Variants in DGKB observed in about 807,000 individuals in gnomAD.
DGKB encodes the protein 90 kDa diacylglycerol kinase.
A neutral mutation model predicts 114.3 loss-of-function variants in DGKB; 67 were observed. That is an observed-to-expected ratio of 0.59 (90% confidence interval 0.48 to 0.72). The LOEUF (loss-of-function observed/expected upper bound fraction) is 0.72, where lower values mean the gene tolerates loss of function less well. DGKB is among the 30% of genes least tolerant of loss of function. DGKB has a pLI of 0.00. For synonymous variants in DGKB, 398 were observed against 323.1 expected, an observed-to-expected ratio of 1.23 and a Z score of -2.49; for missense variants, 907 against 975.2, an observed-to-expected ratio of 0.93 and a Z score of 0.93.
intron 2 of DGKB, among the ~76,000 whole-genome samples, chr7:14,769,340 T>G (rs866570477): frequency 2.6e-5 from 4 of 152,066 alleles, no homozygotes; most frequent in Admixed American, 2.6e-4. Flanking sequence ...AGATTTATAG[T>G]CCATGCAACA....
chr7:14,527,763 AC>A (rs1790878284), intron 20 of DGKB, among the ~76,000 whole-genome samples: 1 of 152,272 alleles, frequency 6.6e-6, no homozygotes, highest in South Asian at 2.1e-4. Context: ...GAATGAAATT[AC>A]ATATTTTAGT....
rs73679732 is a variant in DGKB, at chr7:14,408,688, G to T, written c.1836-63297C>A. Among the ~76,000 whole-genome samples the T allele has an allele frequency of 6.7e-3, 1,014 of 152,028 alleles. 5 individuals are homozygous for T. Among genetic ancestry groups the T allele is most frequent in the Middle Eastern group, 0.017 (5 of 294 alleles). The stretch of plus-strand genomic sequence containing the variant: ...ATTTCATATTTTTGGTTCTTTACTT[G>T]ATAATGAATCCAAGCTTTAAAAACA... On this transcript the variant is annotated intron_variant, in intron 21 of 25. Transcript: ENST00000402815.
At chr7:14,435,072 G>GCTCA (rs1282083656) in intron 21 of DGKB, among the ~76,000 whole-genome samples, 2 of 151,982 alleles carry the variant, frequency 1.3e-5, no homozygotes, top group Non-Finnish European at 2.9e-5. Flanking sequence ...TTTGCCTACT[G>GCTCA]CTCACCTTAT....
chr7:14,344,391 C>G (rs1583306040), intron 22 of DGKB, among the ~76,000 whole-genome samples: 1 of 151,696 alleles, frequency 6.6e-6, no homozygotes, highest in African/African-American at 2.4e-5. Context: ...TAATGAAGAA[C>G]TTAGCCAGGC....
intron 2 of DGKB, among the ~76,000 whole-genome samples, chr7:14,820,064 A>AT (rs1204422891): frequency 6.6e-6 from 1 of 152,026 alleles, no homozygotes; most frequent in Non-Finnish European, 1.5e-5. Flanking sequence ...AGAAATTACA[A>AT]TTTTTTTATC....
intron 23 of DGKB, among the ~76,000 whole-genome samples, chr7:14,231,067 ATTCTTTCTTCTTTCCCTTTCT>A (rs1303675391): frequency 1.3e-5 from 2 of 150,450 alleles, no homozygotes; most frequent in East Asian, 2.0e-4. Context: ...AAGGTTAAAA[ATTCTTTCTTCTTTCCCTTTCT>A]TTCTTTCTTT....
chr7:14,673,105 G>C (rs1486538403), intron 12 of DGKB, 78 bp from the exon 13 acceptor site: 1 of 781,546 alleles, frequency 1.3e-6, no homozygotes, highest in East Asian at 2.7e-5. Context: ...TTTCAATCGA[G>C]ATACAGCAAA....
intron 9 of DGKB, among the ~76,000 whole-genome samples, chr7:14,691,512 A>G (rs188397357): frequency 6.6e-6 from 1 of 152,326 alleles, no homozygotes; most frequent in East Asian, 1.9e-4. Context: ...TTGCTAAAAA[A>G]GGTTCTCATC....
chr7:14,914,939 C>T (rs1333415097), intron 1 of DGKB, among the ~76,000 whole-genome samples: 1 of 151,784 alleles, frequency 6.6e-6, no homozygotes, highest in South Asian at 2.1e-4. Flanking sequence ...AATCAATGAG[C>T]TTGAACACAG....
intron 1 of DGKB, among the ~76,000 whole-genome samples, chr7:14,916,219 G>T (rs955876218): frequency 1.3e-5 from 2 of 151,510 alleles, no homozygotes; most frequent in Non-Finnish European, 2.9e-5. Flanking sequence ...TAATAAAATA[G>T]AAGAAAATAA....
intron 25 of DGKB, among the ~76,000 whole-genome samples, chr7:14,149,906 A>G (rs1390678293): frequency 6.6e-6 from 1 of 152,170 alleles, no homozygotes; most frequent in African/African-American, 2.4e-5. Flanking sequence ...ACTCGTTTTG[A>G]TTTCTTTGAT....
At chr7:14,740,315 A>C (rs1832399065) in intron 4 of DGKB, among the ~76,000 whole-genome samples, 1 of 150,924 alleles carries the variant, frequency 6.6e-6, no homozygotes, top group Non-Finnish European at 1.5e-5. Context: ...GCTATTACCT[A>C]GATTGGCAGG....
At chr7:14,263,570 C>T (rs183766448) in intron 23 of DGKB, among the ~76,000 whole-genome samples, 29 of 152,214 alleles carry the variant, frequency 1.9e-4, no homozygotes, top group African/African-American at 6.7e-4. Context: ...GGAATCAGTT[C>T]AGATATTACC....
At position 14,157,317 on chromosome 7, in the gene DGKB, A is replaced by G. The variant is rs184613146; in HGVS notation, c.2305-8079T>C. On this transcript the variant is annotated intron_variant, in intron 25 of 25. Transcript: ENST00000402815. Reference sequence around the variant, plus strand: ...AGTACATGCTAAATTTTTCAGGTCCATAACTGCCAAAAAAGCAAAGCAATG... The same window carrying G: ...AGTACATGCTAAATTTTTCAGGTCCGTAACTGCCAAAAAAGCAAAGCAATG... Among the ~76,000 whole-genome samples the G allele has an allele frequency of 2.2e-3, 342 of 152,132 alleles. 1 individual carries two copies. The highest frequency in any genetic ancestry group is 8.1e-3 in the African/African-American group (335 of 41,524).
chr7:14,653,661 A>T (rs541090954), intron 13 of DGKB, among the ~76,000 whole-genome samples: 5 of 152,218 alleles, frequency 3.3e-5, no homozygotes, highest in African/African-American at 1.2e-4. Flanking sequence ...ATAATTTAAA[A>T]AAAAAAAGAT....
chr7:14,775,470 G>A (rs561422625), intron 2 of DGKB, among the ~76,000 whole-genome samples: 1 of 149,452 alleles, frequency 6.7e-6, no homozygotes, highest in Non-Finnish European at 1.5e-5. Flanking sequence ...GAAAGTGAAG[G>A]CCAAAACTGC....
rs17168508 is a variant in DGKB at position 14,902,635 on chromosome 7, G to A, written c.-231C>T. 1 of 152,384 alleles carries A rather than the reference G, an allele frequency of 6.6e-6. No individual in the cohort carries two copies. Among genetic ancestry groups the A allele is most frequent in the Non-Finnish European group, 1.5e-5 (1 of 68,106 alleles). 9.4% of individuals were successfully genotyped at this position (152,384 alleles called of 1,614,324 possible). Reference sequence around the variant, plus strand: ...AAAGCTGAGCGCATCTCTGAAGCGAGAGCCACTGCTTTTCCGGAGAGGAAC... The same window carrying A: ...AAAGCTGAGCGCATCTCTGAAGCGAAAGCCACTGCTTTTCCGGAGAGGAAC... On this transcript the variant is annotated 5_prime_UTR_variant, in exon 1 of 26. Coordinates refer to ENST00000402815, the MANE Select transcript of DGKB (RefSeq NM_001350709.2).
intron 2 of DGKB, chr7:14,815,334 T>TA (rs1275128054): frequency 6.6e-6 from 1 of 152,238 alleles, no homozygotes; most frequent in Non-Finnish European, 1.5e-5. Flanking sequence ...CCTAAATTAG[T>TA]AGAGTCCTTG....
At chr7:14,376,147 G>A (rs912153975) in intron 21 of DGKB, among the ~76,000 whole-genome samples, 1 of 152,156 alleles carries the variant, frequency 6.6e-6, no homozygotes, top group African/African-American at 2.4e-5. Context: ...CAGAAAGCAG[G>A]TAGACAACCA....
Sources: allele counts gnomAD v4.1 joint callset (sites outside exome capture counted in the v4.1 genomes callset), GRCh38; gene constraint gnomAD v4.1.1; transcripts MANE v1.5; gene names NCBI Gene and HGNC (gene_info 2026-07-23, HGNC 2026-07-21).